DEPDC5: variants seen among roughly 807,000 people sequenced by gnomAD.
The protein encoded by DEPDC5 is DEP domain containing 5, GATOR1 subcomplex subunit.
In DEPDC5, 73 loss-of-function variants were observed where a neutral mutation model predicts 217.3. The observed-to-expected ratio is 0.34, with a 90% CI of 0.28 to 0.41. The LOEUF (loss-of-function observed/expected upper bound fraction) is 0.41. Among genes scored for constraint, DEPDC5 ranks in the 10% least tolerant of loss-of-function variants. DEPDC5 has a pLI of 1.00. For missense variants in DEPDC5, 1,675 were observed against 2,070.1 expected (o/e 0.81, Z 3.70); for synonymous variants, 733 against 756.7 (o/e 0.97, Z 0.51).
intron 10 of DEPDC5, among the ~76,000 whole-genome samples, chr22:31,785,789 C>A (rs978402614): frequency 6.6e-6 from 1 of 152,094 alleles, no homozygotes. Context: ...TTGAAACCAA[C>A]CCGTACATCT....
At position 31,833,223 on chromosome 22, in the gene DEPDC5, G is replaced by C. The variant is rs80322793; in HGVS notation, c.2105-692G>C. Among the ~76,000 whole-genome samples, 922 of 152,258 alleles carry C rather than the reference G, an allele frequency of 6.1e-3. 15 individuals are homozygous for C. The highest frequency in any genetic ancestry group is 0.021 in the African/African-American group (864 of 41,556). On this transcript the variant is annotated intron_variant, in intron 24 of 42. Coordinates refer to ENST00000651528, the MANE Select transcript of DEPDC5 (RefSeq NM_001242896.3). ...CATCAGAATTTTCTGATAAATATAT[G>C]TTTTGAAAGGGACATTTAAGTACTG...
At chr22:31,844,266 G>A (rs1189914320) in intron 29 of DEPDC5, among the ~76,000 whole-genome samples, 2 of 151,996 alleles carry the variant, frequency 1.3e-5, no homozygotes, top group African/African-American at 4.8e-5. Flanking sequence ...AACTGGGCAT[G>A]GTGACATACC....
chr22:31,758,689 C>A, intron 3 of DEPDC5, 56 bp downstream of exon 3: 3 of 1,501,956 alleles, frequency 2.0e-6, no homozygotes, highest in East Asian at 2.3e-5. Context: ...CAAATGATGT[C>A]CAAGGCAGAT....
At position 31,871,360 on chromosome 22, in the gene DEPDC5, T is replaced by C. The variant is rs979508318; in HGVS notation, c.3485+616T>C. Among the ~76,000 whole-genome samples, 8 of 152,308 alleles carry C rather than the reference T, an allele frequency of 5.3e-5. 1 individual carries two copies. The highest frequency in any genetic ancestry group is 4.1e-4 in the South Asian group (2 of 4,824). ...CAAAATCATCTAAGAGACTTAACTT[T>C]TATACCCCTGCCCTGAGAGCAGAAA... is the stretch of plus-strand genomic sequence containing the variant. On this transcript the variant is annotated intron_variant, in intron 34 of 42. Transcript: ENST00000651528.
chr22:31,790,518 C>G (rs2085491322), intron 10 of DEPDC5, among the ~76,000 whole-genome samples: 1 of 152,152 alleles, frequency 6.6e-6, no homozygotes, highest in African/African-American at 2.4e-5. Context: ...AGAGCAAACC[C>G]CACCCTCATC....
intron 7 of DEPDC5, among the ~76,000 whole-genome samples, chr22:31,777,116 T>C (rs892537371): frequency 2.0e-5 from 3 of 147,690 alleles, no homozygotes; most frequent in South Asian, 2.2e-4. Flanking sequence ...GGTGCCACCA[T>C]GCCCAGCTAA....
At chr22:31,785,064 C>T in intron 10 of DEPDC5, 189 bp downstream of exon 10, 2 of 529,938 alleles carry the variant, frequency 3.8e-6, no homozygotes, top group Non-Finnish European at 6.6e-6. Context: ...ACATCACACT[C>T]AATGGTAAAA....
chr22:31,834,098 TG>T, intron 25 of DEPDC5, 118 bp downstream of exon 25: 2 of 983,592 alleles, frequency 2.0e-6, no homozygotes, highest in Non-Finnish European at 3.3e-6. Flanking sequence ...CACATACCTC[TG>T]GGGTATGGGA....
intron 31 of DEPDC5, among the ~76,000 whole-genome samples, chr22:31,856,255 T>A (rs1168668968): frequency 7.2e-6 from 1 of 138,924 alleles, no homozygotes; most frequent in Non-Finnish European, 1.6e-5. Context: ...ACACACACAC[T>A]TCATTGCCTA....
chr22:31,798,885 A>G (rs1169338127), intron 14 of DEPDC5, among the ~76,000 whole-genome samples: 1 of 152,206 alleles, frequency 6.6e-6, no homozygotes, highest in East Asian at 1.9e-4. Flanking sequence ...AAGAGGAGGA[A>G]CACGTCCACC....
intron 34 of DEPDC5, 92 bp downstream of exon 34, chr22:31,870,836 C>G: frequency 7.4e-7 from 1 of 1,348,816 alleles, no homozygotes; most frequent in Non-Finnish European, 9.7e-7. Flanking sequence ...AGCTCTGGGC[C>G]GAGTTCTGAC....
intron 26 of DEPDC5, among the ~76,000 whole-genome samples, chr22:31,837,968 G>A (rs1157870106): frequency 6.6e-6 from 1 of 152,120 alleles, no homozygotes; most frequent in East Asian, 1.9e-4. Context: ...CTCCCAAAGT[G>A]CTGGGATTAT....
intron 20 of DEPDC5, among the ~76,000 whole-genome samples, chr22:31,811,194 T>C (rs776764177): frequency 6.6e-6 from 1 of 151,954 alleles, no homozygotes; most frequent in Non-Finnish European, 1.5e-5. Context: ...CTCAGCCTCC[T>C]GAGTAGCTGG....
intron 4 of DEPDC5, among the ~76,000 whole-genome samples, chr22:31,763,515 G>A (rs2082574209): frequency 6.6e-6 from 1 of 150,988 alleles, no homozygotes; most frequent in African/African-American, 2.4e-5. Flanking sequence ...ACGGCTCACT[G>A]CAGCCTCAAC....
chr22:31,832,688 A>G lies in DEPDC5; in HGVS notation c.2105-1227A>G, dbSNP rs117825627. 1.6e-4 allele frequency among the ~76,000 whole-genome samples: 25 copies of G among 152,192 alleles called. No individual in the cohort carries two copies. In the East Asian group the frequency reaches 4.8e-3, roughly 29 times the overall value. ...GTGCTTTTAATTTGCTATTTCCTTA[A>G]TGACTACTGATGTTAAGCATCTTTT... On this transcript the variant is annotated intron_variant, in intron 24 of 42. Transcript: ENST00000651528.
chr22:31,876,910 T>TG (rs1406293748), intron 37 of DEPDC5, among the ~76,000 whole-genome samples: 1 of 152,122 alleles, frequency 6.6e-6, no homozygotes, highest in Non-Finnish European at 1.5e-5. Context: ...CCCAGCACTT[T>TG]GGGAGGCCGA....
intron 8 of DEPDC5, among the ~76,000 whole-genome samples, chr22:31,780,765 C>T (rs2084349442): frequency 6.6e-6 from 1 of 152,224 alleles, no homozygotes; most frequent in Admixed American, 6.5e-5. Context: ...AGTAGGTGCG[C>T]TTGCTTGTGT....
At chr22:31,892,915 T>C (rs1444218455) in intron 38 of DEPDC5, among the ~76,000 whole-genome samples, 1 of 148,944 alleles carries the variant, frequency 6.7e-6, no homozygotes, top group Admixed American at 6.7e-5. Context: ...CTCGCTGTAT[T>C]GCCAGACTGG....
chr22:31,763,923 TTGTTA>T (rs780980101), intron 4 of DEPDC5, among the ~76,000 whole-genome samples: 20 of 151,946 alleles, frequency 1.3e-4, no homozygotes, highest in Non-Finnish European at 1.5e-4. Context: ...TATGTTATGT[TTGTTA>T]TGTTATGTTA....
Sources: allele counts gnomAD v4.1 joint callset (sites outside exome capture counted in the v4.1 genomes callset), GRCh38; gene constraint gnomAD v4.1.1; transcripts MANE v1.5; gene names NCBI Gene and HGNC (gene_info 2026-07-23, HGNC 2026-07-21).